TAFA4: variants seen among roughly 807,000 people sequenced by gnomAD.
TAFA4 encodes TAFA chemokine like family member 4, also known as chemokine-like protein TAFA-4.
TAFA4 carries 20 observed loss-of-function variants against 21.1 expected under a neutral mutation model. The ratio of observed to expected loss-of-function variants is 0.95; its 90% CI spans 0.67 to 1.38. The LOEUF (loss-of-function observed/expected upper bound fraction) is 1.38. Ranked by LOEUF, TAFA4 falls within the 40% of genes most tolerant of loss-of-function variation. TAFA4 has a pLI of 0.00. For synonymous variants in TAFA4, 71 were observed against 67.4 expected (o/e 1.05, Z -0.26); for missense variants, 211 against 180.9 (o/e 1.17, Z -0.95).
At chr3:68,801,394 G>A (rs1307879111) in intron 3 of TAFA4, among the ~76,000 whole-genome samples, 2 of 152,156 alleles carry the variant, frequency 1.3e-5, no homozygotes, top group Non-Finnish European at 2.9e-5. Context: ...TATAGGTCCA[G>A]GTTAAGAACC....
chr3:68,886,496 A>G (rs1167692076), intron 1 of TAFA4, among the ~76,000 whole-genome samples: 1 of 152,078 alleles, frequency 6.6e-6, no homozygotes, highest in East Asian at 1.9e-4. Context: ...ATTCATCAGA[A>G]CTCATCATAA....
intron 5 of TAFA4, among the ~76,000 whole-genome samples, chr3:68,734,051 C>T (rs1450260020): frequency 1.3e-5 from 2 of 152,006 alleles, no homozygotes; most frequent in Non-Finnish European, 2.9e-5. Context: ...CTCTGCAGGC[C>T]ATACAGTCAC....
At chr3:68,895,098 A>C (rs1414204111) in intron 1 of TAFA4, among the ~76,000 whole-genome samples, 2 of 152,126 alleles carry the variant, frequency 1.3e-5, no homozygotes, top group Non-Finnish European at 2.9e-5. Context: ...CCTGGGTTCA[A>C]GCAATTCTCC....
chr3:68,814,205 A>G (rs981478394), intron 3 of TAFA4, among the ~76,000 whole-genome samples: 16 of 152,344 alleles, frequency 1.1e-4, no homozygotes, highest in African/African-American at 2.9e-4. Flanking sequence ...CCCACAGCCA[A>G]TATCATACTG....
chr3:68,880,142 GAT>G (rs1298020201), intron 3 of TAFA4, among the ~76,000 whole-genome samples: 1 of 151,898 alleles, frequency 6.6e-6, no homozygotes, highest in East Asian at 1.9e-4. Flanking sequence ...GCAATGCAGA[GAT>G]ATGAGTCTCA....
chr3:68,869,251 T>G (rs757696063), intron 3 of TAFA4, among the ~76,000 whole-genome samples: 8 of 152,034 alleles, frequency 5.3e-5, no homozygotes, highest in Non-Finnish European at 8.8e-5. Context: ...CAGGACATGA[T>G]GGCTTCACTG....
intron 1 of TAFA4, among the ~76,000 whole-genome samples, chr3:68,901,152 T>C (rs905587123): frequency 6.6e-6 from 1 of 152,114 alleles, no homozygotes; most frequent in Non-Finnish European, 1.5e-5. Flanking sequence ...AAAGCCAGAC[T>C]TCACAGAGAC....
chr3:68,779,008 G>A (rs1035156744), intron 3 of TAFA4, among the ~76,000 whole-genome samples: 3 of 152,178 alleles, frequency 2.0e-5, no homozygotes, highest in Admixed American at 6.5e-5. Context: ...TGCTGATAGC[G>A]ATAAGGACAA....
At chr3:68,779,316 A>G (rs997003021) in intron 3 of TAFA4, among the ~76,000 whole-genome samples, 1 of 152,200 alleles carries the variant, frequency 6.6e-6, no homozygotes, top group African/African-American at 2.4e-5. Context: ...AGAAAATCCC[A>G]TTTTCTGAGG....
At chr3:68,853,366 A>G (rs1704994515) in intron 3 of TAFA4, among the ~76,000 whole-genome samples, 1 of 152,036 alleles carries the variant, frequency 6.6e-6, no homozygotes, top group African/African-American at 2.4e-5. Flanking sequence ...CTTCAAATCT[A>G]TTTTAAGTAA....
chr3:68,894,199 C>T (rs71302159), intron 1 of TAFA4, among the ~76,000 whole-genome samples: 7,858 of 149,586 alleles, frequency 0.053, 390 homozygotes, highest in African/African-American at 0.12. Flanking sequence ...CACTCTGTCA[C>T]CCAGGTTGGA....
chr3:68,874,428 C>CT (rs894153476), intron 3 of TAFA4, among the ~76,000 whole-genome samples: 7 of 152,088 alleles, frequency 4.6e-5, no homozygotes, highest in Non-Finnish European at 8.8e-5. Flanking sequence ...CCTGCTGTTT[C>CT]TTTTTACCAA....
chr3:68,822,280 A>G (rs1165986578), intron 3 of TAFA4, among the ~76,000 whole-genome samples: 1 of 152,188 alleles, frequency 6.6e-6, no homozygotes, highest in Non-Finnish European at 1.5e-5. Flanking sequence ...CAAATGAGCT[A>G]TTTGATATGC....
intron 4 of TAFA4, among the ~76,000 whole-genome samples, chr3:68,747,792 T>C (rs572750801): frequency 1.3e-5 from 2 of 152,260 alleles, no homozygotes; most frequent in South Asian, 2.1e-4. Flanking sequence ...TACTTCATAC[T>C]CTTTTTTATT....
chr3:68,843,921 G>C (rs1039065782), intron 3 of TAFA4, among the ~76,000 whole-genome samples: 4 of 152,234 alleles, frequency 2.6e-5, no homozygotes, highest in African/African-American at 9.6e-5. Context: ...TGGTTTGCCA[G>C]TATTTTATTG....
At chr3:68,795,881 T>C (rs553365867) in intron 3 of TAFA4, among the ~76,000 whole-genome samples, 3 of 152,156 alleles carry the variant, frequency 2.0e-5, no homozygotes, top group African/African-American at 7.2e-5. Flanking sequence ...TTCAAACAGA[T>C]GTGGGTGTTG....
chr3:68,887,933 T>C (rs1431614711), intron 1 of TAFA4, among the ~76,000 whole-genome samples: 1 of 152,112 alleles, frequency 6.6e-6, no homozygotes, highest in Non-Finnish European at 1.5e-5. Flanking sequence ...ACCACACCCT[T>C]AGTATTCTCT....
intron 1 of TAFA4, among the ~76,000 whole-genome samples, chr3:68,905,899 T>C (rs1254948651): frequency 6.6e-6 from 1 of 152,242 alleles, no homozygotes; most frequent in Admixed American, 6.5e-5. Context: ...TTTGTTGCTT[T>C]CTTTGTTTCT....
At chr3:68,781,303 G>A (rs549112993) in intron 3 of TAFA4, among the ~76,000 whole-genome samples, 1 of 151,450 alleles carries the variant, frequency 6.6e-6, no homozygotes, top group Non-Finnish European at 1.5e-5. Flanking sequence ...ATGAAGCAAT[G>A]AAAAAGAGAA....
Sources: gnomAD v4.1 joint callset for allele counts (sites outside exome capture counted in the v4.1 genomes callset) on GRCh38, gnomAD v4.1.1 for gene constraint, MANE v1.5 for transcripts, NCBI Gene and HGNC (gene_info 2026-07-23, HGNC 2026-07-21) for gene names.